DCDC1: variants seen among roughly 807,000 people sequenced by gnomAD.
The protein encoded by DCDC1 is doublecortin domain containing 1.
In DCDC1, 200 loss-of-function variants were observed where a neutral mutation model predicts 178.3. The observed-to-expected ratio is 1.12, with a 90% confidence interval of 1.00 to 1.26. The LOEUF (loss-of-function observed/expected upper bound fraction) is 1.26. Among genes scored for constraint, DCDC1 ranks in the 50% most tolerant of loss-of-function variants. DCDC1 has a pLI of 0.00. For missense variants in DCDC1, 1,983 were observed against 1,749.2 expected, an observed-to-expected ratio of 1.13 and a Z score of -2.38; for synonymous variants, 690 against 604.8, an observed-to-expected ratio of 1.14 and a Z score of -2.07.
intron 9 of DCDC1, among the ~76,000 whole-genome samples, chr11:31,176,734 A>G (rs763876412): frequency 1.3e-5 from 2 of 152,188 alleles, no homozygotes; most frequent in African/African-American, 2.4e-5. Context: ...GCCAGGAGAG[A>G]ATGGGATAAT....
intron 20 of DCDC1, among the ~76,000 whole-genome samples, chr11:30,971,061 A>C (rs1230031026): frequency 6.6e-6 from 1 of 152,130 alleles, no homozygotes; most frequent in Non-Finnish European, 1.5e-5. Context: ...TCCCCAGCAA[A>C]ATTTCACCAC....
At chr11:31,344,298 T>G (rs1950703751) in intron 1 of DCDC1, among the ~76,000 whole-genome samples, 1 of 152,222 alleles carries the variant, frequency 6.6e-6, no homozygotes, top group South Asian at 2.1e-4. Context: ...GCATAGTTTA[T>G]TCACTGACAC....
At chr11:31,009,986 G>A (rs1952078690) in intron 20 of DCDC1, among the ~76,000 whole-genome samples, 1 of 152,168 alleles carries the variant, frequency 6.6e-6, no homozygotes, top group African/African-American at 2.4e-5. Flanking sequence ...CATGAGAACA[G>A]CATGATTCAA....
At chr11:31,313,283 C>T (rs1468984780) in intron 3 of DCDC1, among the ~76,000 whole-genome samples, 1 of 152,094 alleles carries the variant, frequency 6.6e-6, no homozygotes, top group Non-Finnish European at 1.5e-5. Flanking sequence ...CAATATGAAT[C>T]CTTGTCCTAT....
In DCDC1 at chr11:31,132,997, G is replaced by A. The variant is rs142727578; in HGVS notation, c.1314+4695C>T. ...CATGTAGGGCAGTTTGATCATGTTTGTATGGTGTATGCAAGCAACCTTTGA... is the reference window on the plus strand; with the variant it reads ...CATGTAGGGCAGTTTGATCATGTTTATATGGTGTATGCAAGCAACCTTTGA... On this transcript the variant is annotated intron_variant, in intron 10 of 38. Coordinates refer to ENST00000684477, the MANE Select transcript of DCDC1 (RefSeq NM_001387274.1). 2.6e-5 allele frequency among the ~76,000 whole-genome samples: 4 copies of A among 152,342 alleles called. No homozygotes were observed. The East Asian group carries it at 7.7e-4, about 29-fold the overall frequency.
chr11:31,054,363 T>A (rs1955452263), intron 20 of DCDC1, among the ~76,000 whole-genome samples: 1 of 151,636 alleles, frequency 6.6e-6, no homozygotes, highest in African/African-American at 2.4e-5. Flanking sequence ...TGGAAACACA[T>A]CCCATCCTCA....
chr11:31,239,278 G>A (rs1976825431), intron 9 of DCDC1, among the ~76,000 whole-genome samples: 2 of 152,122 alleles, frequency 1.3e-5, no homozygotes, highest in South Asian at 4.1e-4. Flanking sequence ...TGAAGTAAGT[G>A]TAGTTGAAAC....
intron 20 of DCDC1, among the ~76,000 whole-genome samples, chr11:30,976,920 T>G (rs1003170056): frequency 6.6e-6 from 1 of 152,178 alleles, no homozygotes; most frequent in Admixed American, 6.5e-5. Flanking sequence ...TAGCAAGCTA[T>G]GGAATCAACC....
At chr11:31,012,769 G>A (rs571284864) in intron 20 of DCDC1, among the ~76,000 whole-genome samples, 1 of 151,990 alleles carries the variant, frequency 6.6e-6, no homozygotes, top group East Asian at 1.9e-4. Context: ...AAAACATGTC[G>A]ACCAAGAAAA....
At chr11:31,091,773 G>A (rs943663532) in intron 16 of DCDC1, among the ~76,000 whole-genome samples, 2 of 151,416 alleles carry the variant, frequency 1.3e-5, no homozygotes, top group Non-Finnish European at 2.9e-5. Context: ...TTTTTTTTCT[G>A]TGCATATTTC....
At chr11:31,000,322 C>G (rs1279063827) in intron 20 of DCDC1, among the ~76,000 whole-genome samples, 1 of 152,156 alleles carries the variant, frequency 6.6e-6, no homozygotes, top group African/African-American at 2.4e-5. Flanking sequence ...ATTTAGTCTC[C>G]TCTTCTCATT....
At chr11:31,045,454 A>T (rs1004465259) in intron 20 of DCDC1, among the ~76,000 whole-genome samples, 1 of 151,510 alleles carries the variant, frequency 6.6e-6, no homozygotes, top group Non-Finnish European at 1.5e-5. Flanking sequence ...AGAGAAACAG[A>T]CTTCCAATGT....
At chr11:31,040,932 C>G (rs1954405024) in intron 20 of DCDC1, among the ~76,000 whole-genome samples, 1 of 152,182 alleles carries the variant, frequency 6.6e-6, no homozygotes, top group Admixed American at 6.5e-5. Context: ...ATGTATTCAT[C>G]TGCATATGGA....
chr11:30,923,865 C>T lies in DCDC1; in HGVS notation c.2998-1227G>A, dbSNP rs1002957499. On this transcript the variant is annotated intron_variant, in intron 23 of 38. Transcript: ENST00000684477. Reference sequence around the variant, plus strand: ...CTCTTAAGCTCAGGTGATCCACCCACCTCGGCCTCCCAAAGTGCTGGGATT... The same window carrying T: ...CTCTTAAGCTCAGGTGATCCACCCATCTCGGCCTCCCAAAGTGCTGGGATT... Among the ~76,000 whole-genome samples the T allele has an allele frequency of 2.6e-5, 4 of 152,258 alleles. No individual in the cohort carries two copies. The South Asian group carries it at 8.3e-4, about 32-fold the overall frequency.
chr11:31,005,261 CCAA>C (rs755129253), intron 20 of DCDC1, among the ~76,000 whole-genome samples: 3 of 152,168 alleles, frequency 2.0e-5, no homozygotes, highest in Non-Finnish European at 4.4e-5. Flanking sequence ...TGTTAGTCCA[CCAA>C]CAACAATGGC....
intron 3 of DCDC1, among the ~76,000 whole-genome samples, chr11:31,326,112 T>C (rs1324744265): frequency 6.6e-6 from 1 of 152,190 alleles, no homozygotes; most frequent in Non-Finnish European, 1.5e-5. Flanking sequence ...CTTCATTTTC[T>C]TGGTTTATCA....
At chr11:31,231,401 T>G (rs1435575171) in intron 9 of DCDC1, among the ~76,000 whole-genome samples, 1 of 152,120 alleles carries the variant, frequency 6.6e-6, no homozygotes, top group Non-Finnish European at 1.5e-5. Context: ...GCCTGGAGGT[T>G]TTTACACCAC....
At chr11:31,001,540 A>C (rs956139560) in intron 20 of DCDC1, among the ~76,000 whole-genome samples, 1 of 152,198 alleles carries the variant, frequency 6.6e-6, no homozygotes, top group Non-Finnish European at 1.5e-5. Flanking sequence ...TTTCTCTGCC[A>C]CCGCAGCGAG....
intron 21 of DCDC1, chr11:30,943,054 A>T (rs1186283788): frequency 6.6e-6 from 1 of 151,610 alleles, no homozygotes; most frequent in African/African-American, 2.4e-5. Context: ...TTCTCCCTCC[A>T]TTTTCTCAGT....
Sources: allele counts gnomAD v4.1 joint callset (sites outside exome capture counted in the v4.1 genomes callset), GRCh38; gene constraint gnomAD v4.1.1; transcripts MANE v1.5; gene names NCBI Gene and HGNC (gene_info 2026-07-23, HGNC 2026-07-21).